Variants in APTX observed in about 807,000 individuals in gnomAD.
APTX encodes aprataxin, also known as forkhead-associated domain histidine triad-like protein.
APTX carries 33 observed loss-of-function variants against 42.3 expected under a neutral mutation model. The ratio of observed to expected loss-of-function variants is 0.78; its 90% CI spans 0.59 to 1.04. APTX has a LOEUF of 1.04. APTX is among the 50% of genes least tolerant of loss of function. The probability of loss-of-function intolerance (pLI) is 0.00; values close to 1 mark genes in which losing one functional copy is unlikely to be tolerated. For missense variants in APTX, 421 were observed against 415.1 expected (o/e 1.01, Z -0.12); for synonymous variants, 130 against 146.7 (o/e 0.89, Z 0.82).
At chr9:32,979,137 C>T (rs1170873424) in intron 6 of APTX, among the ~76,000 whole-genome samples, 2 of 151,918 alleles carry the variant, frequency 1.3e-5, no homozygotes, top group Admixed American at 6.6e-5. Context: ...GTTTCGCCAC[C>T]CAGGTAATAA....
chr9:33,017,761 A>G (rs1838005260), intron 1 of APTX, among the ~76,000 whole-genome samples: 2 of 152,134 alleles, frequency 1.3e-5, no homozygotes, highest in South Asian at 2.1e-4. Context: ...AAGCTCTCCA[A>G]ACTCCTTTGG....
intron 1 of APTX, among the ~76,000 whole-genome samples, chr9:33,022,807 T>A (rs958552900): frequency 6.6e-6 from 1 of 152,202 alleles, no homozygotes; most frequent in Non-Finnish European, 1.5e-5. Context: ...TTTTATTTTA[T>A]TTTACGTAAG....
At chr9:33,013,836 C>T (rs1837714156) in intron 1 of APTX, among the ~76,000 whole-genome samples, 1 of 152,080 alleles carries the variant, frequency 6.6e-6, no homozygotes, top group Non-Finnish European at 1.5e-5. Flanking sequence ...CAAGCTCCTG[C>T]TCTAAAATGC....
chr9:33,015,734 T>C (rs1033025631), intron 1 of APTX, among the ~76,000 whole-genome samples: 1 of 152,256 alleles, frequency 6.6e-6, no homozygotes, highest in South Asian at 2.1e-4. Context: ...GCCACATGCA[T>C]GCAAGAAAAC....
At chr9:32,995,613 T>C (rs1357787305) in intron 1 of APTX, among the ~76,000 whole-genome samples, 1 of 151,784 alleles carries the variant, frequency 6.6e-6, no homozygotes, top group Non-Finnish European at 1.5e-5. Context: ...AAGGGCTGGG[T>C]GTTATGGCTC....
chr9:33,005,305 T>C (rs531001999), upstream of APTX, among the ~76,000 whole-genome samples: 3 of 152,356 alleles, frequency 2.0e-5, no homozygotes, highest in African/African-American at 2.4e-5. Context: ...TTTGGTGTTA[T>C]ATCCAAGAAA....
At position 32,972,931 on chromosome 9, in the gene APTX, A is replaced by T. The variant is rs1256698539; in HGVS notation, c.*567T>A. On this transcript the variant is annotated 3_prime_UTR_variant, in exon 8 of 8. Transcript: ENST00000379817. ...CTTTTCTCACTGTGAAGAACTGATG[A>T]GACAGAATTCCTGAGAAGGGAACAT... 1 of 454,016 alleles carries T rather than the reference A, an allele frequency of 2.2e-6. No homozygotes were observed. The highest frequency in any genetic ancestry group is 4.4e-6 in the Non-Finnish European group (1 of 226,792). 28.1% of individuals were successfully genotyped at this position (454,016 alleles called of 1,614,324 possible).
intron 2 of APTX, 99 bp downstream of exon 2, chr9:32,989,660 A>G: frequency 1.3e-6 from 2 of 1,580,840 alleles, no homozygotes; most frequent in Non-Finnish European, 1.7e-6. Context: ...TTTTTGGCAG[A>G]CAATAGATTT....
At chr9:33,018,542 T>G (rs1335988508) in intron 1 of APTX, among the ~76,000 whole-genome samples, 2 of 104,498 alleles carry the variant, frequency 1.9e-5, no homozygotes, top group African/African-American at 7.6e-5. Flanking sequence ...CACTCCAGCC[T>G]GGGGGACAAG....
chr9:32,977,877 T>C (rs1275054847), intron 6 of APTX, among the ~76,000 whole-genome samples: 1 of 151,966 alleles, frequency 6.6e-6, no homozygotes, highest in African/African-American at 2.4e-5. Context: ...CATATAATTA[T>C]CATATGGTCT....
At chr9:33,010,265 C>T (rs1404279162) in intron 1 of APTX, among the ~76,000 whole-genome samples, 3 of 152,112 alleles carry the variant, frequency 2.0e-5, no homozygotes, top group South Asian at 4.1e-4. Flanking sequence ...ACACGGATAC[C>T]CACATCCCAC....
Position 32,974,555 on chromosome 9 carries a change from TA to T in APTX, c.776del (p.Val259AspfsTer5), listed in dbSNP as rs1563945076. 6.3e-7 allele frequency: 1 copy of T among 1,586,970 alleles called. No individual in the cohort carries two copies. The highest frequency in any genetic ancestry group is 1.1e-5 in the South Asian group (1 of 89,398). On this transcript the variant is annotated frameshift_variant, in exon 7 of 8. Transcript: ENST00000379817. LOFTEE classifies it high-confidence loss of function. ...GYHAIPSMSHVHLHVISQDFD... is the reference protein window; with the variant it reads ...GYHAIPSMSHXHLHVISQDFD... ...AATCCTGGCTGATCACATGAAGATGTACATGGCTAGTTGAAAGAAAAAAAAA... is the reference window on the plus strand; with the variant it reads ...AATCCTGGCTGATCACATGAAGATGTCATGGCTAGTTGAAAGAAAAAAAAA...
chr9:32,989,296 T>C (rs1416273040), intron 2 of APTX, among the ~76,000 whole-genome samples: 1 of 152,146 alleles, frequency 6.6e-6, no homozygotes, highest in Non-Finnish European at 1.5e-5. Flanking sequence ...ATGGTAAGGA[T>C]TTTTTTCTGA....
At chr9:32,992,979 A>C (rs765741706) in intron 1 of APTX, among the ~76,000 whole-genome samples, 4 of 152,226 alleles carry the variant, frequency 2.6e-5, no homozygotes, top group Non-Finnish European at 5.9e-5. Flanking sequence ...TGCTGGAAAC[A>C]GATGAATGAG....
At chr9:33,011,133 A>G (rs1837510916) in intron 1 of APTX, among the ~76,000 whole-genome samples, 1 of 148,418 alleles carries the variant, frequency 6.7e-6, no homozygotes, top group East Asian at 2.0e-4. Flanking sequence ...ACAGAGTGAG[A>G]CTCCGTCTCA....
intron 1 of APTX, among the ~76,000 whole-genome samples, chr9:33,017,702 G>C (rs946712282): frequency 6.6e-6 from 1 of 152,174 alleles, no homozygotes; most frequent in African/African-American, 2.4e-5. Flanking sequence ...AAGGGATACG[G>C]ACCTTCAAGG....
At chr9:32,999,089 C>T (rs10971283) in intron 1 of APTX, among the ~76,000 whole-genome samples, 10,736 of 152,176 alleles carry the variant, frequency 0.071, 513 homozygotes, top group Non-Finnish European at 0.11. Flanking sequence ...GTATCCCAAT[C>T]AATACTTGTT....
intron 1 of APTX, among the ~76,000 whole-genome samples, chr9:33,020,494 G>A (rs778533294): frequency 1.3e-5 from 2 of 152,092 alleles, no homozygotes; most frequent in African/African-American, 4.8e-5. Flanking sequence ...TCCAACCTTC[G>A]CATTAGCACC....
chr9:33,019,745 A>G, intron 1 of APTX: 1 of 587,022 alleles, frequency 1.7e-6, no homozygotes, highest in Non-Finnish European at 2.9e-6. Flanking sequence ...GGTCCGCACC[A>G]CCAGAGAAAG....
Sources: gnomAD v4.1 joint callset for allele counts (sites outside exome capture counted in the v4.1 genomes callset) on GRCh38, gnomAD v4.1.1 for gene constraint, MANE v1.5 for transcripts, NCBI Gene and HGNC (gene_info 2026-07-23, HGNC 2026-07-21) for gene names.